SUFU: variants seen among roughly 807,000 people sequenced by gnomAD.
SUFU encodes the protein suppressor of fused homolog.
A neutral mutation model predicts 58.9 loss-of-function variants in SUFU; 7 were observed. That is an observed-to-expected ratio of 0.12 (90% confidence interval 0.07 to 0.22). The LOEUF (loss-of-function observed/expected upper bound fraction) is 0.22, where lower values mean the gene tolerates loss of function less well. Ranked by LOEUF, SUFU falls within the 10% of genes least tolerant of loss-of-function variation. The pLI, the probability that SUFU is intolerant of heterozygous loss-of-function variation, is 1.00. For missense variants in SUFU, 451 were observed against 641.3 expected (o/e 0.70, Z 3.20); for synonymous variants, 232 against 254.8 (o/e 0.91, Z 0.85).
Position 102,615,259 on chromosome 10 carries a change from G to C in SUFU, c.1023-9G>C, listed in dbSNP as rs1590082088. On this transcript the variant is annotated splice_polypyrimidine_tract_variant and intron_variant, in intron 8 of 11. Coordinates refer to ENST00000369902, the MANE Select transcript of SUFU (RefSeq NM_016169.4). ...TTGTGCCGAACCTTTTCCTGTGCTT[G>C]CTTCACAGGAGCCGCAAAGACAGCC... The C allele has an allele frequency of 1.9e-6, 3 of 1,614,118 alleles. No individual in the cohort carries two copies. The highest frequency in any genetic ancestry group is 2.2e-5 in the East Asian group (1 of 44,890).
At chr10:102,615,702 G>A (rs1023861080) in intron 9 of SUFU, among the ~76,000 whole-genome samples, 2 of 152,174 alleles carry the variant, frequency 1.3e-5, no homozygotes, top group African/African-American at 4.8e-5. Context: ...TGGGCCATGC[G>A]GTGTTCTCCT....
At chr10:102,590,991 T>A (rs1036651931) in intron 3 of SUFU, 6 of 152,238 alleles carry the variant, frequency 3.9e-5, no homozygotes, top group African/African-American at 1.4e-4. Context: ...CCTGCCTGAA[T>A]GAACACTATT....
chr10:102,524,467 A>G (rs905759600), intron 2 of SUFU, among the ~76,000 whole-genome samples: 3 of 151,590 alleles, frequency 2.0e-5, no homozygotes, highest in African/African-American at 7.3e-5. Flanking sequence ...CTGGGACTAC[A>G]GGCACGTGCC....
chr10:102,607,265 G>A (rs187901666), intron 8 of SUFU, among the ~76,000 whole-genome samples: 75 of 152,062 alleles, frequency 4.9e-4, no homozygotes, highest in African/African-American at 1.8e-3. Flanking sequence ...GCCCAGGCTG[G>A]CCTTGAACTC....
chr10:102,557,585 A>G (rs961525494), intron 3 of SUFU, among the ~76,000 whole-genome samples: 11 of 152,048 alleles, frequency 7.2e-5, no homozygotes, highest in Admixed American at 3.9e-4. Context: ...ACAACTGGAC[A>G]CTCCACCCTG....
At chr10:102,561,716 C>G (rs1008966192) in intron 3 of SUFU, among the ~76,000 whole-genome samples, 8 of 140,632 alleles carry the variant, frequency 5.7e-5, no homozygotes, top group African/African-American at 1.9e-4. Context: ...TTGCTCAGAC[C>G]GGAGTCCAGT....
intron 3 of SUFU, among the ~76,000 whole-genome samples, chr10:102,587,358 C>T (rs1157457031): frequency 1.3e-5 from 2 of 152,176 alleles, no homozygotes; most frequent in Non-Finnish European, 2.9e-5. Flanking sequence ...TGCATCCTCA[C>T]CAACACTTGT....
chr10:102,617,776 G>A lies in SUFU; in HGVS notation c.1296+348G>A. 3.7e-6 allele frequency: 2 copies of A among 536,264 alleles called. No homozygotes were observed. The highest frequency in any genetic ancestry group is 6.5e-6 in the Non-Finnish European group (2 of 305,742). 33.2% of individuals were successfully genotyped at this position (536,264 alleles called of 1,614,324 possible). On this transcript the variant is annotated intron_variant, in intron 10 of 11. Transcript: ENST00000369902. The surrounding 1 kb of genome is among the most constrained non-coding windows in gnomAD (Gnocchi z 4.4). ...AACCAAGGTACAAGAACTCAAGGATGAAGCAAGATGGGAGGATGTGTGGAG... is the reference window on the plus strand; with the variant it reads ...AACCAAGGTACAAGAACTCAAGGATAAAGCAAGATGGGAGGATGTGTGGAG...
At position 102,599,497 on chromosome 10, in the gene SUFU, A is replaced by G. The variant is rs1045258578; in HGVS notation, c.975A>G (p.Pro325=). 6.2e-7 allele frequency: 1 copy of G among 1,614,076 alleles called. No individual in the cohort carries two copies. Among genetic ancestry groups the G allele is most frequent in the Non-Finnish European group, 8.5e-7 (1 of 1,180,038 alleles). The change falls in exon 8 of 12, where the codon CCA becomes CCG. Residue 325 remains proline, a synonymous_variant. Transcript: ENST00000369902. The stretch of plus-strand genomic sequence containing the variant: ...AGATCAACAGCAAACCTGTCCTTCC[A>G]CCAATCAACCCTCAGCGGCAGAATG... ...GLEINSKPVL[P]PINPQRQNGL...
chr10:102,594,441 C>T (rs1022479259), intron 6 of SUFU, among the ~76,000 whole-genome samples: 1 of 152,190 alleles, frequency 6.6e-6, no homozygotes, highest in Non-Finnish European at 1.5e-5. Flanking sequence ...CACCACCGCC[C>T]TGTACCAGAC....
At chr10:102,605,072 C>G (rs763918046) in intron 8 of SUFU, among the ~76,000 whole-genome samples, 1 of 151,954 alleles carries the variant, frequency 6.6e-6, no homozygotes, top group Non-Finnish European at 1.5e-5. Context: ...GCACACACCA[C>G]CACGTCCAGC....
chr10:102,552,343 G>A (rs182748246), intron 3 of SUFU, among the ~76,000 whole-genome samples: 21 of 152,150 alleles, frequency 1.4e-4, no homozygotes, highest in Non-Finnish European at 2.4e-4. Flanking sequence ...TGAGGTAGGA[G>A]GACCATTTGA....
chr10:102,566,679 C>T lies in SUFU; in HGVS notation c.454+16573C>T, dbSNP rs182369476. Among the ~76,000 whole-genome samples, 8 of 150,946 alleles carry T rather than the reference C, an allele frequency of 5.3e-5. No individual in the cohort carries two copies. In the East Asian group the frequency reaches 9.9e-4, roughly 19 times the overall value. ...ACTTGGGAGGCTGAGGCAGGAGAAT[C>T]GCCTGAACTTGGGAGGCGGAGGTTG... On this transcript the variant is annotated intron_variant, in intron 3 of 11. Coordinates refer to ENST00000369902, the MANE Select transcript of SUFU (RefSeq NM_016169.4).
At chr10:102,511,625 G>A (rs1403211707) in intron 2 of SUFU, among the ~76,000 whole-genome samples, 2 of 152,162 alleles carry the variant, frequency 1.3e-5, no homozygotes, top group African/African-American at 4.8e-5. Context: ...TGAGTCTCTT[G>A]AGGGGTTAAA....
intron 3 of SUFU, among the ~76,000 whole-genome samples, chr10:102,565,701 C>G (rs1296652970): frequency 6.6e-6 from 1 of 152,136 alleles, no homozygotes. Flanking sequence ...CCCGCCACCA[C>G]GCACGGCTAA....
chr10:102,582,090 A>G (rs2063285958), intron 3 of SUFU, among the ~76,000 whole-genome samples: 1 of 152,224 alleles, frequency 6.6e-6, no homozygotes, highest in South Asian at 2.1e-4. Flanking sequence ...CAGAGCACGC[A>G]GAAGAGCACC....
intron 2 of SUFU, among the ~76,000 whole-genome samples, chr10:102,526,329 G>A (rs1049791181): frequency 1.3e-5 from 2 of 152,114 alleles, no homozygotes; most frequent in Admixed American, 6.6e-5. Flanking sequence ...ACGGGGGGGT[G>A]GATCACTTGA....
intron 8 of SUFU, among the ~76,000 whole-genome samples, chr10:102,609,141 G>A (rs560071978): frequency 1.2e-4 from 19 of 152,308 alleles, no homozygotes; most frequent in African/African-American, 4.6e-4. Flanking sequence ...TCTTGGGCTA[G>A]TTATTTAAGT....
At chr10:102,513,001 G>A (rs1275355232) in intron 2 of SUFU, among the ~76,000 whole-genome samples, 1 of 152,028 alleles carries the variant, frequency 6.6e-6, no homozygotes, top group African/African-American at 2.4e-5. Context: ...CTGGGAGTTT[G>A]AAGCTGCAGT....
Sources: gnomAD v4.1 joint callset for allele counts (sites outside exome capture counted in the v4.1 genomes callset) on GRCh38, gnomAD v4.1.1 for gene constraint, Gnocchi (gnomAD v3.1) non-coding constraint, MANE v1.5 for transcripts, NCBI Gene and HGNC (gene_info 2026-07-23, HGNC 2026-07-21) for gene names.